Variants in ZNF430 observed in about 807,000 individuals in gnomAD.
The protein encoded by ZNF430 is zinc finger protein 430.
A neutral mutation model predicts 56.7 loss-of-function variants in ZNF430; 35 were observed. The ratio of observed to expected loss-of-function variants is 0.62; its 90% CI spans 0.47 to 0.82. The LOEUF is 0.82. Ranked by LOEUF, ZNF430 falls within the 40% of genes least tolerant of loss-of-function variation. The probability of loss-of-function intolerance (pLI) is 0.00; values close to 1 mark genes in which losing one functional copy is unlikely to be tolerated. For missense variants in ZNF430, 574 were observed against 661.0 expected (o/e 0.87, Z 1.44); for synonymous variants, 212 against 224.3 (o/e 0.94, Z 0.49).
At chr19:21,041,874 C>G (rs1968108885) in intron 4 of ZNF430, among the ~76,000 whole-genome samples, 1 of 152,182 alleles carries the variant, frequency 6.6e-6, no homozygotes, top group East Asian at 1.9e-4. Context: ...CCACCATTCT[C>G]AGCTAATTTT....
At chr19:21,044,313 G>C (rs1379921985) in intron 4 of ZNF430, among the ~76,000 whole-genome samples, 1 of 152,048 alleles carries the variant, frequency 6.6e-6, no homozygotes, top group Non-Finnish European at 1.5e-5. Flanking sequence ...TTTAATCAAA[G>C]ACCTTTTCTG....
At position 21,058,317 on chromosome 19, in the gene ZNF430, G is replaced by A. The variant is rs1968417573; in HGVS notation, c.*296G>A. The A allele has an allele frequency of 1.1e-5, 3 of 278,210 alleles. No individual in the cohort carries two copies. The highest frequency in any genetic ancestry group is 2.0e-5 in the Non-Finnish European group (3 of 147,230). The allele number at this position is 278,210 out of a possible 1,614,324, so 17.2% of individuals were successfully genotyped here. On this transcript the variant is annotated 3_prime_UTR_variant, in exon 5 of 5. Coordinates refer to ENST00000261560, the MANE Select transcript of ZNF430 (RefSeq NM_025189.4). Reference sequence around the variant, plus strand: ...AAATTAGCCATGCGTAGTGGTGCATGCCTGTAATCCCAGCTACTCGGGAGG... The same window carrying A: ...AAATTAGCCATGCGTAGTGGTGCATACCTGTAATCCCAGCTACTCGGGAGG...
intron 4 of ZNF430, among the ~76,000 whole-genome samples, chr19:21,054,669 C>CTTTTTTTTTTT (rs55772412): frequency 1.4e-4 from 9 of 65,582 alleles, no homozygotes; most frequent in Admixed American, 2.4e-4. Context: ...ATTTTTACGT[C>CTTTTTTTTTTT]TTTTTTTTTT....
intron 4 of ZNF430, among the ~76,000 whole-genome samples, chr19:21,049,248 A>G (rs911313927): frequency 1.4e-4 from 21 of 151,274 alleles, no homozygotes; most frequent in Non-Finnish European, 2.4e-4. Flanking sequence ...TACAAAACCT[A>G]TACTGCTATG....
chr19:21,022,803 T>C lies in ZNF430; in HGVS notation c.18T>C (p.Ser6=), dbSNP rs370425319. ...TTCTCCCATAGGAGAACCTGAAGTCTGGAGTGTATCCTCTCAAGGAAGCAA... is the reference window on the plus strand; with the variant it reads ...TTCTCCCATAGGAGAACCTGAAGTCCGGAGTGTATCCTCTCAAGGAAGCAA... MENLK[S]GVYPLKEASG... is the part of the protein sequence containing the mutation. Residue 6 remains serine, a synonymous_variant, in exon 2 of 5, where the codon TCT becomes TCC. Transcript: ENST00000261560. The C allele has an allele frequency of 2.1e-5, 34 of 1,612,838 alleles. No individual in the cohort carries two copies. The highest frequency in any genetic ancestry group is 2.6e-5 in the Non-Finnish European group (31 of 1,178,948).
rs1260827737 is a variant in ZNF430 at position 21,059,120 on chromosome 19, A to T, written c.*1099A>T. 6.6e-6 allele frequency: 1 copy of T among 152,236 alleles called. No individual in the cohort carries two copies. The highest frequency in any genetic ancestry group is 1.5e-5 in the Non-Finnish European group (1 of 68,044). 9.4% of individuals were successfully genotyped at this position (152,236 alleles called of 1,614,324 possible). A position where few individuals can be genotyped will look rare whatever the true frequency, so the allele number is the denominator to read the frequency against. On this transcript the variant is annotated 3_prime_UTR_variant, in exon 5 of 5. Coordinates refer to ENST00000261560, the MANE Select transcript of ZNF430 (RefSeq NM_025189.4). ...TTCATACTAAAATATATTTTTGCAG[A>T]TGCAGTAAAAATGAAAATATTTAAT...
chr19:21,037,465 A>T (rs1419197727), intron 4 of ZNF430, among the ~76,000 whole-genome samples: 1 of 152,128 alleles, frequency 6.6e-6, no homozygotes, highest in African/African-American at 2.4e-5. Flanking sequence ...CACATATGTT[A>T]CATTTTTGAT....
intron 4 of ZNF430, among the ~76,000 whole-genome samples, chr19:21,039,762 G>A (rs987429789): frequency 3.9e-5 from 6 of 151,946 alleles, no homozygotes; most frequent in East Asian, 1.9e-4. Context: ...CACCGCACCC[G>A]GCCTACTTTT....
intron 2 of ZNF430, among the ~76,000 whole-genome samples, chr19:21,028,505 C>T (rs1478709113): frequency 1.3e-5 from 2 of 152,154 alleles, no homozygotes; most frequent in African/African-American, 2.4e-5. Flanking sequence ...TCTCTCCAGC[C>T]TGGATTATCA....
chr19:21,051,268 T>A (rs1031828406), intron 4 of ZNF430, among the ~76,000 whole-genome samples: 7 of 151,048 alleles, frequency 4.6e-5, no homozygotes, highest in Admixed American at 1.3e-4. Context: ...CATAATATCA[T>A]CAAGCTTTAT....
intron 4 of ZNF430, among the ~76,000 whole-genome samples, chr19:21,054,730 C>T (rs1024067183): frequency 1.6e-5 from 2 of 126,020 alleles, no homozygotes; most frequent in African/African-American, 3.0e-5. Flanking sequence ...GGCTGGAGTG[C>T]AGTGGCGCAT....
At chr19:21,056,266 A>G (rs73018978) in intron 4 of ZNF430, among the ~76,000 whole-genome samples, 10,791 of 152,176 alleles carry the variant, frequency 0.071, 467 homozygotes, top group Non-Finnish European at 0.086. Context: ...AAGTGGACGC[A>G]TCATCTGAGG....
intron 4 of ZNF430, among the ~76,000 whole-genome samples, chr19:21,046,983 G>A (rs1417995087): frequency 6.6e-6 from 1 of 152,108 alleles, no homozygotes; most frequent in Non-Finnish European, 1.5e-5. Flanking sequence ...TCAGTCATAG[G>A]TTCGGTCTTT....
chr19:21,048,659 G>T (rs1264726380), intron 4 of ZNF430, among the ~76,000 whole-genome samples: 4 of 151,590 alleles, frequency 2.6e-5, no homozygotes, highest in Non-Finnish European at 5.9e-5. Flanking sequence ...CGACAAAACC[G>T]CCATCGTCAT....
In ZNF430 at chr19:21,051,153, A is replaced by T. The variant is rs183142742; in HGVS notation, c.323-5478A>T. On this transcript the variant is annotated intron_variant, in intron 4 of 4. Transcript: ENST00000261560. Reference sequence around the variant, plus strand: ...CATTAAACAAGAACCAATTTTTCTGACTTTCTGGCACTTTGCAAGCACCAC... The same window carrying T: ...CATTAAACAAGAACCAATTTTTCTGTCTTTCTGGCACTTTGCAAGCACCAC... Among the ~76,000 whole-genome samples the T allele has an allele frequency of 1.0e-3, 155 of 152,296 alleles. 1 individual carries two copies. The highest frequency in any genetic ancestry group is 3.2e-3 in the African/African-American group (133 of 41,572).
chr19:21,022,771 G>T lies in ZNF430; in HGVS notation c.4-18G>T, dbSNP rs1483476592. ...AGTGTCTAGTGGATATCAGCTTCTG[G>T]GTTATTTTCTCCCATAGGAGAACCT... On this transcript the variant is annotated intron_variant, in intron 1 of 4. Transcript: ENST00000261560. 7.7e-6 allele frequency: 12 copies of T among 1,550,254 alleles called. No homozygotes were observed. The highest frequency in any genetic ancestry group is 1.1e-5 in the Non-Finnish European group (12 of 1,121,958).
At position 21,059,770 on chromosome 19, in the gene ZNF430, T is replaced by A. The variant is rs2144798664; in HGVS notation, c.*1749T>A. The A allele has an allele frequency of 6.6e-6, 1 of 152,240 alleles. No homozygotes were observed. The highest frequency in any genetic ancestry group is 2.1e-4 in the South Asian group (1 of 4,824). The allele number at this position is 152,240 out of a possible 1,614,324, so 9.4% of individuals were successfully genotyped here. A position where few individuals can be genotyped will look rare whatever the true frequency, so the allele number is the denominator to read the frequency against. On this transcript the variant is annotated 3_prime_UTR_variant, in exon 5 of 5. Transcript: ENST00000261560. ...CATGTGAAAGCATGTGATCAGTTAT[T>A]GCTGCATTAAAAACATGAGTCTTTT...
At chr19:21,034,053 G>A (rs1171964888) in intron 3 of ZNF430, 33 bp from the exon 4 acceptor site, 10 of 1,554,634 alleles carry the variant, frequency 6.4e-6, no homozygotes, top group African/African-American at 2.7e-5. Context: ...TGAAGAATAT[G>A]AGAAAGATTC....
intron 4 of ZNF430, chr19:21,034,905 A>G (rs1202000782): frequency 6.6e-6 from 1 of 151,978 alleles, no homozygotes; most frequent in Admixed American, 6.6e-5. Context: ...TTTCTGTTCC[A>G]CTGTTTTTTG....
Sources: gnomAD v4.1 joint callset for allele counts (sites outside exome capture counted in the v4.1 genomes callset) on GRCh38, gnomAD v4.1.1 for gene constraint, MANE v1.5 for transcripts, NCBI Gene and HGNC (gene_info 2026-07-23, HGNC 2026-07-21) for gene names.